The following MAP4K5 variants were observed in gnomAD, a reference collection of about 807,000 sequenced individuals.
The protein encoded by MAP4K5 is MAPK/ERK kinase kinase kinase 5.
A neutral mutation model predicts 135.6 loss-of-function variants in MAP4K5; 82 were observed. That is an observed-to-expected ratio of 0.60 (90% CI 0.51 to 0.73). The LOEUF (loss-of-function observed/expected upper bound fraction) is 0.73. Ranked by LOEUF, MAP4K5 falls within the 30% of genes least tolerant of loss-of-function variation. The pLI, the probability that MAP4K5 is intolerant of heterozygous loss-of-function variation, is 0.00. For missense variants in MAP4K5, 907 were observed against 1,010.9 expected (o/e 0.90, Z 1.39); for synonymous variants, 347 against 335.0 (o/e 1.04, Z -0.39).
intron 3 of MAP4K5, among the ~76,000 whole-genome samples, chr14:50,491,324 CTTTT>C (rs869302168): frequency 2.9e-5 from 4 of 139,940 alleles, no homozygotes; most frequent in South Asian, 2.3e-4. Context: ...TATTATCTCT[CTTTT>C]TTTTTTTTTT....
In MAP4K5 at chr14:50,428,671, C is replaced by A; in HGVS notation, c.2317G>T (p.Glu773Ter). The stretch of plus-strand genomic sequence containing the variant: ...AAAAAAGGAAACTTACCTACAGATT[C>A]AATGCGAAAATCAAAACTTAACTCA... ...ASELSFDFRI[E>*]SVVCLQDSVL... The change falls in exon 30 of 33, where the codon GAA (glutamate) becomes TAA (stop). Residue 773 changes from glutamate to a stop codon, truncating the protein, a stop_gained. Transcript: ENST00000682126. LOFTEE classifies it high-confidence loss of function. 1 of 1,503,628 alleles carries A rather than the reference C, an allele frequency of 6.7e-7. No homozygotes were observed. The highest frequency in any genetic ancestry group is 1.3e-5 in the South Asian group (1 of 76,336). The allele number at this position is 1,503,628 out of a possible 1,614,324, so 93.1% of individuals were successfully genotyped here. A position where few individuals can be genotyped will look rare whatever the true frequency, so the allele number is the denominator to read the frequency against.
intron 8 of MAP4K5, among the ~76,000 whole-genome samples, chr14:50,475,810 T>G (rs969801771): frequency 8.5e-5 from 13 of 152,240 alleles, no homozygotes; most frequent in Non-Finnish European, 1.6e-4. Flanking sequence ...CTCTTACACA[T>G]TCATAGATAT....
At chr14:50,427,324 G>C (rs1454930078) in intron 30 of MAP4K5, among the ~76,000 whole-genome samples, 3 of 152,106 alleles carry the variant, frequency 2.0e-5, no homozygotes, top group Admixed American at 1.3e-4. Flanking sequence ...GTAATATAAG[G>C]AGTAAAAGAA....
chr14:50,559,942 T>G (rs759303553), intron 1 of MAP4K5: 3 of 425,670 alleles, frequency 7.0e-6, no homozygotes, highest in South Asian at 5.6e-5. Context: ...AGGGGGGTGC[T>G]GTTTATTTGT....
intron 30 of MAP4K5, 88 bp from the exon 31 acceptor site, chr14:50,426,065 C>T: frequency 2.5e-6 from 2 of 813,640 alleles, no homozygotes; most frequent in Admixed American, 2.2e-5. Context: ...ATAATATAAG[C>T]CTATTCAAGT....
chr14:50,486,212 T>C lies in MAP4K5; in HGVS notation c.167-18A>G, dbSNP rs2139932414. ...ATCATCTCCTGGAAAACAAAATAAG[T>C]TGTTTATCATGTTACTCAAAATCTC... On this transcript the variant is annotated intron_variant, in intron 3 of 32. Transcript: ENST00000682126. 1 of 843,890 alleles carries C rather than the reference T, an allele frequency of 1.2e-6. No individual in the cohort carries two copies. Among genetic ancestry groups the C allele is most frequent in the Non-Finnish European group, 1.9e-6 (1 of 533,052 alleles). 52.3% of individuals were successfully genotyped at this position (843,890 alleles called of 1,614,324 possible). A position where few individuals can be genotyped will look rare whatever the true frequency, so the allele number is the denominator to read the frequency against.
rs73289891 is a variant in MAP4K5, at chr14:50,558,657, G to A, written c.-180+2383C>T. Among the ~76,000 whole-genome samples the A allele has an allele frequency of 5.5e-3, 843 of 151,898 alleles. 4 individuals are homozygous for A. Among genetic ancestry groups the A allele is most frequent in the African/African-American group, 0.019 (783 of 41,434 alleles). ...GAATTATATAAATTTTTTCTTTTTT[G>A]TGTGTAATCTATTGTACTCTTAAAA... On this transcript the variant is annotated intron_variant, in intron 1 of 8. Coordinates refer to the MAP4K5 transcript ENST00000555216.
chr14:50,500,491 G>A (rs911362105), intron 3 of MAP4K5, among the ~76,000 whole-genome samples: 3 of 152,166 alleles, frequency 2.0e-5, no homozygotes, highest in African/African-American at 7.2e-5. Context: ...AAACATATGC[G>A]ATGAGCTCAG....
intron 2 of MAP4K5, among the ~76,000 whole-genome samples, chr14:50,519,199 C>T (rs973909125): frequency 2.6e-5 from 4 of 151,614 alleles, no homozygotes; most frequent in Non-Finnish European, 5.9e-5. Flanking sequence ...TTTAAAAGCA[C>T]GTTATCAAAT....
chr14:50,437,675 G>T, intron 25 of MAP4K5, 141 bp from the exon 26 acceptor site: 1 of 666,530 alleles, frequency 1.5e-6, no homozygotes, highest in Non-Finnish European at 2.6e-6. Context: ...TCATCTTATA[G>T]GACTGAGGAA....
At chr14:50,492,670 G>C (rs1400579281) in intron 3 of MAP4K5, among the ~76,000 whole-genome samples, 6 of 151,780 alleles carry the variant, frequency 4.0e-5, no homozygotes, top group African/African-American at 1.5e-4. Flanking sequence ...GAAACTATTT[G>C]CAAATCCTGT....
At chr14:50,492,443 A>C (rs2037504166) in intron 3 of MAP4K5, among the ~76,000 whole-genome samples, 1 of 151,986 alleles carries the variant, frequency 6.6e-6, no homozygotes, top group South Asian at 2.1e-4. Context: ...AAAACACAAA[A>C]ATTAGCCAGA....
At chr14:50,503,183 C>G (rs541953307) in intron 3 of MAP4K5, among the ~76,000 whole-genome samples, 3 of 151,618 alleles carry the variant, frequency 2.0e-5, no homozygotes, top group Non-Finnish European at 4.4e-5. Flanking sequence ...AAAATGCAAA[C>G]AGCATCTAAA....
chr14:50,531,829 C>G, intron 2 of MAP4K5, 113 bp downstream of exon 2: 1 of 836,158 alleles, frequency 1.2e-6, no homozygotes, highest in Non-Finnish European at 2.0e-6. Flanking sequence ...CGCTTTCTCC[C>G]CAAGAGGCAA....
chr14:50,496,300 G>A (rs1172348586), intron 3 of MAP4K5, among the ~76,000 whole-genome samples: 5 of 151,864 alleles, frequency 3.3e-5, no homozygotes, highest in East Asian at 1.9e-4. Context: ...CACTCCACCC[G>A]GGGTGCCAAG....
At chr14:50,426,768 C>T (rs915750977) in intron 30 of MAP4K5, among the ~76,000 whole-genome samples, 1 of 152,052 alleles carries the variant, frequency 6.6e-6, no homozygotes, top group Non-Finnish European at 1.5e-5. Flanking sequence ...AAACCTGCCC[C>T]ACAATCCAAC....
chr14:50,440,217 G>T, intron 22 of MAP4K5, 144 bp from the exon 23 acceptor site: 1 of 778,842 alleles, frequency 1.3e-6, no homozygotes. Flanking sequence ...CTTTCAACAT[G>T]AACATGCAAA....
chr14:50,435,423 G>A (rs1871803555), intron 26 of MAP4K5, among the ~76,000 whole-genome samples: 1 of 152,014 alleles, frequency 6.6e-6, no homozygotes, highest in African/African-American at 2.4e-5. Context: ...AGAATGCAGT[G>A]GCACAGTAAT....
chr14:50,444,694 AC>A (rs2036303258), intron 18 of MAP4K5, among the ~76,000 whole-genome samples: 1 of 152,198 alleles, frequency 6.6e-6, no homozygotes, highest in Non-Finnish European at 1.5e-5. Context: ...GAAGACACAT[AC>A]ATAAACTGTC....
Sources: allele counts gnomAD v4.1 joint callset (sites outside exome capture counted in the v4.1 genomes callset), GRCh38; gene constraint gnomAD v4.1.1; transcripts MANE v1.5; gene names NCBI Gene and HGNC (gene_info 2026-07-23, HGNC 2026-07-21).